CFAP77: variants seen among roughly 807,000 people sequenced by gnomAD.
CFAP77 encodes the protein cilia- and flagella-associated protein 77.
CFAP77 carries 25 observed loss-of-function variants against 31.1 expected under a neutral mutation model. The observed-to-expected ratio is 0.80, with a 90% confidence interval of 0.59 to 1.12. The LOEUF is 1.12. Among genes scored for constraint, CFAP77 ranks in the 50% most tolerant of loss-of-function variants. The probability of loss-of-function intolerance (pLI) is 0.00; values close to 1 mark genes in which losing one functional copy is unlikely to be tolerated. For missense variants in CFAP77, 377 were observed against 397.3 expected (o/e 0.95, Z 0.44); for synonymous variants, 151 against 159.9 (o/e 0.94, Z 0.42).
intron 1 of CFAP77, among the ~76,000 whole-genome samples, chr9:132,471,676 GA>G (rs1414258766): frequency 1.4e-5 from 2 of 143,226 alleles, no homozygotes; most frequent in Admixed American, 1.5e-4. Context: ...CATTGTGAGA[GA>G]GGGGGGTTGT....
At chr9:132,420,439 G>A (rs1191526336) in intron 1 of CFAP77, among the ~76,000 whole-genome samples, 1 of 151,750 alleles carries the variant, frequency 6.6e-6, no homozygotes, top group Non-Finnish European at 1.5e-5. Flanking sequence ...GATCACTTGA[G>A]GCCAGGAGTT....
chr9:132,529,686 C>T (rs1266893610), intron 3 of CFAP77, among the ~76,000 whole-genome samples: 3 of 151,536 alleles, frequency 2.0e-5, no homozygotes, highest in African/African-American at 2.4e-5. Flanking sequence ...ATTAGCTGGG[C>T]GTGGTGGCAG....
intron 1 of CFAP77, among the ~76,000 whole-genome samples, chr9:132,425,400 C>T (rs1850296154): frequency 6.6e-6 from 1 of 152,116 alleles, no homozygotes; most frequent in South Asian, 2.1e-4. Context: ...CCCCAGTCCC[C>T]TCTCTCAATG....
intron 1 of CFAP77, among the ~76,000 whole-genome samples, chr9:132,458,826 A>G (rs752534965): frequency 6.6e-6 from 1 of 152,228 alleles, no homozygotes; most frequent in Non-Finnish European, 1.5e-5. Flanking sequence ...CACTGTTTCC[A>G]GCAGGCTAAC....
intron 1 of CFAP77, among the ~76,000 whole-genome samples, chr9:132,449,652 C>T (rs1325157013): frequency 6.6e-6 from 1 of 152,180 alleles, no homozygotes; most frequent in Non-Finnish European, 1.5e-5. Context: ...TCCAGACAGA[C>T]ACTTTTGTGG....
intron 1 of CFAP77, among the ~76,000 whole-genome samples, chr9:132,483,595 G>A (rs976916921): frequency 6.6e-6 from 1 of 152,154 alleles, no homozygotes; most frequent in African/African-American, 2.4e-5. Flanking sequence ...AAGCAAAGGG[G>A]GCCACACTGT....
At chr9:132,410,545 G>A in intron 1 of CFAP77, 79 bp downstream of exon 1, 1 of 1,273,988 alleles carries the variant, frequency 7.8e-7, no homozygotes, top group Non-Finnish European at 1.0e-6. Flanking sequence ...CACCCGCAGC[G>A]CCCTGGCCCC....
intron 1 of CFAP77, among the ~76,000 whole-genome samples, chr9:132,427,630 C>A (rs1029444568): frequency 2.2e-4 from 34 of 152,114 alleles, no homozygotes; most frequent in Middle Eastern, 3.4e-3. Context: ...AAAACAACAA[C>A]AAAAAAACAG....
intron 5 of CFAP77, 37 bp downstream of exon 5, chr9:132,543,084 T>C: frequency 1.3e-6 from 2 of 1,565,506 alleles, no homozygotes; most frequent in Admixed American, 3.3e-5. Flanking sequence ...TCCCTGCACC[T>C]TGCTGGCTGC....
At chr9:132,469,838 A>ATTTTTTTT (rs763910119) in intron 1 of CFAP77, among the ~76,000 whole-genome samples, 43 of 128,802 alleles carry the variant, frequency 3.3e-4, no homozygotes, top group African/African-American at 1.2e-3. Context: ...TTGCTCCGTG[A>ATTTTTTTT]TTTTTTTTTT....
chr9:132,432,384 A>C lies in CFAP77; in HGVS notation c.195+21918A>C, dbSNP rs997438168. Among the ~76,000 whole-genome samples, 5 of 152,122 alleles carry C rather than the reference A, an allele frequency of 3.3e-5. No individual in the cohort carries two copies. The South Asian group carries it at 1.0e-3, about 32-fold the overall frequency. ...CCAGGAACCCATATTTGAGAATGTC[A>C]GCTTGACAGTCTTGTTGGGAGCCAG... On this transcript the variant is annotated intron_variant, in intron 1 of 5. Coordinates refer to ENST00000393216, the MANE Select transcript of CFAP77 (RefSeq NM_001282957.2).
intron 3 of CFAP77, among the ~76,000 whole-genome samples, chr9:132,512,224 C>T (rs1316804235): frequency 6.6e-6 from 1 of 152,190 alleles, no homozygotes; most frequent in African/African-American, 2.4e-5. Context: ...TCAGCCACTG[C>T]TGCCTCAAAC....
In CFAP77 at chr9:132,539,045, C is replaced by T. The variant is rs1369495485; in HGVS notation, c.630+1339C>T. Among the ~76,000 whole-genome samples the T allele has an allele frequency of 6.6e-6, 1 of 152,094 alleles. No individual in the cohort carries two copies. Among genetic ancestry groups the T allele is most frequent in the African/African-American group, 2.4e-5 (1 of 41,408 alleles). Reference sequence around the variant, plus strand: ...GAGGTTGCAGTGAGCCAAGATCGTGCCACTGCACTCCAGCCTGGGCAACAG... The same window carrying T: ...GAGGTTGCAGTGAGCCAAGATCGTGTCACTGCACTCCAGCCTGGGCAACAG... On this transcript the variant is annotated intron_variant, in intron 4 of 5. Transcript: ENST00000393216. This position sits in a 1 kb window ranked among gnomAD's most constrained non-coding sequence, Gnocchi z 4.3.
intron 3 of CFAP77, among the ~76,000 whole-genome samples, chr9:132,533,957 G>A (rs562555926): frequency 1.3e-4 from 20 of 152,284 alleles, no homozygotes; most frequent in South Asian, 6.2e-4. Flanking sequence ...TCCAGTTTAC[G>A]TTGGGTTTTT....
intron 3 of CFAP77, among the ~76,000 whole-genome samples, chr9:132,519,912 G>C (rs1385469958): frequency 7.1e-6 from 1 of 141,596 alleles, no homozygotes; most frequent in African/African-American, 2.6e-5. Context: ...GGGTGGATGG[G>C]AGGATGGGTG....
chr9:132,459,103 G>A (rs975901462), intron 1 of CFAP77, among the ~76,000 whole-genome samples: 3 of 145,660 alleles, frequency 2.1e-5, no homozygotes, highest in South Asian at 2.2e-4. Flanking sequence ...ACAGAGTCTC[G>A]CTCTGTTGCC....
At chr9:132,533,243 G>T (rs777813623) in intron 3 of CFAP77, among the ~76,000 whole-genome samples, 1 of 152,178 alleles carries the variant, frequency 6.6e-6, no homozygotes, top group Admixed American at 6.5e-5. Flanking sequence ...TTCATGTTCC[G>T]GTCACTGGCC....
intron 5 of CFAP77, among the ~76,000 whole-genome samples, chr9:132,559,105 G>A (rs1852952144): frequency 6.6e-6 from 1 of 152,094 alleles, no homozygotes; most frequent in Admixed American, 6.5e-5. Context: ...AGCACTTTGG[G>A]AGGCTGAGGT....
chr9:132,547,132 G>A (rs1043564133), intron 5 of CFAP77, among the ~76,000 whole-genome samples: 3 of 152,212 alleles, frequency 2.0e-5, no homozygotes, highest in East Asian at 1.9e-4. Context: ...GGATAGAGAC[G>A]CTCCCCTGCC....
Sources: allele counts gnomAD v4.1 joint callset (sites outside exome capture counted in the v4.1 genomes callset), GRCh38; gene constraint gnomAD v4.1.1; non-coding constraint Gnocchi (gnomAD v3.1); transcripts MANE v1.5; gene names NCBI Gene and HGNC (gene_info 2026-07-23, HGNC 2026-07-21).